ST8SIA4: variants seen among roughly 807,000 people sequenced by gnomAD.
The protein encoded by ST8SIA4 is ST8 alpha-N-acetyl-neuraminide alpha-2,8-sialyltransferase 4, also known as CMP-N-acetylneuraminate-poly-alpha-2,8-sialyltransferase.
A neutral mutation model predicts 33.9 loss-of-function variants in ST8SIA4; 15 were observed. The ratio of observed to expected loss-of-function variants is 0.44; its 90% CI spans 0.30 to 0.68. ST8SIA4 has a LOEUF of 0.68. Among genes scored for constraint, ST8SIA4 ranks in the 30% least tolerant of loss-of-function variants. The pLI is 0.10. For missense variants in ST8SIA4, 321 were observed against 428.0 expected, an observed-to-expected ratio of 0.75 and a Z score of 2.21; for synonymous variants, 171 against 151.2, an observed-to-expected ratio of 1.13 and a Z score of -0.96.
intron 4 of ST8SIA4, among the ~76,000 whole-genome samples, chr5:100,830,691 A>C (rs1347548514): frequency 6.6e-6 from 1 of 152,248 alleles, no homozygotes; most frequent in Admixed American, 6.5e-5. Flanking sequence ...ACCATCAAGA[A>C]TGGTATGGCA....
At chr5:100,864,021 G>C (rs1752006683) in intron 3 of ST8SIA4, among the ~76,000 whole-genome samples, 1 of 152,124 alleles carries the variant, frequency 6.6e-6, no homozygotes, top group Non-Finnish European at 1.5e-5. Context: ...TTTCTCCTTG[G>C]AGACTTGAAT....
At chr5:100,863,302 A>G (rs1011990903) in intron 3 of ST8SIA4, among the ~76,000 whole-genome samples, 1 of 152,214 alleles carries the variant, frequency 6.6e-6, no homozygotes, top group Admixed American at 6.5e-5. Flanking sequence ...TAGTAGATGC[A>G]CACACACTAA....
chr5:100,856,517 A>G, intron 3 of ST8SIA4, 121 bp from the exon 4 acceptor site: 2 of 906,802 alleles, frequency 2.2e-6, no homozygotes, highest in Middle Eastern at 3.3e-4. Context: ...AAGAAAACCA[A>G]AAGATCATCT....
At chr5:100,900,461 G>C (rs1016579034) in intron 1 of ST8SIA4, 6 of 456,144 alleles carry the variant, frequency 1.3e-5, no homozygotes, top group African/African-American at 1.2e-4. Context: ...TCCACCAGAA[G>C]CGCTGTTTGG....
rs1750711095 is a variant in ST8SIA4, at chr5:100,807,051, A to G, written c.*4796T>C. On this transcript the variant is annotated 3_prime_UTR_variant, in exon 5 of 5. Coordinates refer to ENST00000231461, the MANE Select transcript of ST8SIA4 (RefSeq NM_005668.6). ...ACATTGTTCATATTCCCATGTATAC[A>G]CTTAAAAATAAATGGTTTGCCTAAT... The G allele has an allele frequency of 6.6e-6, 1 of 152,096 alleles. No individual in the cohort carries two copies. Among genetic ancestry groups the G allele is most frequent in the Non-Finnish European group, 1.5e-5 (1 of 67,952 alleles). The allele number at this position is 152,096 out of a possible 1,614,324, so 9.4% of individuals were successfully genotyped here. A position where few individuals can be genotyped will look rare whatever the true frequency, so the allele number is the denominator to read the frequency against.
At chr5:100,828,017 T>C (rs1487572309) in intron 4 of ST8SIA4, among the ~76,000 whole-genome samples, 1 of 152,230 alleles carries the variant, frequency 6.6e-6, no homozygotes. Context: ...GCTATGCATA[T>C]ACAGAATGTA....
chr5:100,819,287 T>C lies in ST8SIA4; in HGVS notation c.798-7158A>G, dbSNP rs1335599959. Among the ~76,000 whole-genome samples the C allele has an allele frequency of 2.6e-5, 4 of 152,328 alleles. No individual in the cohort carries two copies. The East Asian group carries it at 7.7e-4, about 29-fold the overall frequency. Reference sequence around the variant, plus strand: ...GAGACAGTTCAATGATATATTAGCATTTGTCAATTTCTGTGGAAATTCTAA... The same window carrying C: ...GAGACAGTTCAATGATATATTAGCACTTGTCAATTTCTGTGGAAATTCTAA... On this transcript the variant is annotated intron_variant, in intron 4 of 4. Coordinates refer to ENST00000231461, the MANE Select transcript of ST8SIA4 (RefSeq NM_005668.6).
chr5:100,858,965 T>C (rs918981832), intron 3 of ST8SIA4, among the ~76,000 whole-genome samples: 1 of 152,090 alleles, frequency 6.6e-6, no homozygotes, highest in African/African-American at 2.4e-5. Context: ...GAAGAATATA[T>C]ATACATTTTC....
chr5:100,903,245 A>G lies in ST8SIA4; in HGVS notation c.-290T>C. 2.6e-6 allele frequency: 1 copy of G among 386,384 alleles called. No homozygotes were observed. Among genetic ancestry groups the G allele is most frequent in the Non-Finnish European group, 4.7e-6 (1 of 211,872 alleles). The allele number at this position is 386,384 out of a possible 1,614,324, so 23.9% of individuals were successfully genotyped here. A position where few individuals can be genotyped will look rare whatever the true frequency, so the allele number is the denominator to read the frequency against. ...TCAGATGAGACACCTTGTGCATTGG[A>G]GGTGGCGGCAGCTTCTGCAGCTGGG... On this transcript the variant is annotated 5_prime_UTR_variant, in exon 1 of 5. Coordinates refer to ENST00000231461, the MANE Select transcript of ST8SIA4 (RefSeq NM_005668.6).
chr5:100,834,346 C>T (rs1223127207), intron 4 of ST8SIA4, among the ~76,000 whole-genome samples: 1 of 151,998 alleles, frequency 6.6e-6, no homozygotes, highest in Non-Finnish European at 1.5e-5. Flanking sequence ...TATCTCATAA[C>T]TATTTAACTG....
intron 1 of ST8SIA4, chr5:100,900,289 C>T (rs985844175): frequency 1.8e-5 from 7 of 390,270 alleles, no homozygotes; most frequent in Non-Finnish European, 3.7e-5. Context: ...CAGTGCCCCC[C>T]AAAGGCCAGA....
chr5:100,813,126 C>T (rs1750847697), intron 4 of ST8SIA4, among the ~76,000 whole-genome samples: 1 of 152,006 alleles, frequency 6.6e-6, no homozygotes, highest in African/African-American at 2.4e-5. Flanking sequence ...ATTTAATAAG[C>T]TTGCTTTAGA....
At chr5:100,849,161 A>G (rs1416432312) in intron 4 of ST8SIA4, 3 of 985,028 alleles carry the variant, frequency 3.0e-6, no homozygotes, top group African/African-American at 3.5e-5. Context: ...AATTAAGGAC[A>G]AGAGTTTTTT....
intron 4 of ST8SIA4, among the ~76,000 whole-genome samples, chr5:100,838,191 T>C (rs1751402338): frequency 6.6e-6 from 1 of 151,990 alleles, no homozygotes; most frequent in Admixed American, 6.6e-5. Context: ...TGCCTCACCA[T>C]AATCATGAAG....
Position 100,811,900 on chromosome 5 carries a change from G to A in ST8SIA4, c.1027C>T (p.Leu343=). ...AGTTTTAGAGCTCCTCTATTATGTA[G>A]CACATTTAATGTTTTGAATTCTAAT... ...MPLEFKTLNV[L]HNRGALKLTT... is the part of the protein sequence containing the mutation. The change falls in exon 5 of 5, where the codon CTA becomes TTA. Residue 343 remains leucine, a synonymous_variant. Transcript: ENST00000231461. 6.2e-7 allele frequency: 1 copy of A among 1,614,040 alleles called. No individual in the cohort carries two copies. The highest frequency in any genetic ancestry group is 8.5e-7 in the Non-Finnish European group (1 of 1,179,974).
At chr5:100,875,009 GC>G (rs1752275509) in intron 3 of ST8SIA4, among the ~76,000 whole-genome samples, 1 of 152,036 alleles carries the variant, frequency 6.6e-6, no homozygotes, top group African/African-American at 2.4e-5. Context: ...ATGCTTACTA[GC>G]TTTTATTTAA....
chr5:100,854,014 T>TGTGTG (rs1554058847), intron 4 of ST8SIA4, among the ~76,000 whole-genome samples: 1 of 150,886 alleles, frequency 6.6e-6, no homozygotes, highest in African/African-American at 2.4e-5. Context: ...TGTGTGTATG[T>TGTGTG]TTAAGATGGA....
At chr5:100,863,243 AT>A (rs1397146341) in intron 3 of ST8SIA4, among the ~76,000 whole-genome samples, 1 of 152,204 alleles carries the variant, frequency 6.6e-6, no homozygotes, top group Non-Finnish European at 1.5e-5. Flanking sequence ...TAAAAGGTTG[AT>A]TCTGAGATTT....
At chr5:100,823,491 T>C (rs1751075972) in intron 4 of ST8SIA4, among the ~76,000 whole-genome samples, 1 of 152,226 alleles carries the variant, frequency 6.6e-6, no homozygotes, top group African/African-American at 2.4e-5. Flanking sequence ...GAACCCACTC[T>C]TGGGGTCTAG....
Sources: gnomAD v4.1 joint callset for allele counts (sites outside exome capture counted in the v4.1 genomes callset) on GRCh38, gnomAD v4.1.1 for gene constraint, MANE v1.5 for transcripts, NCBI Gene and HGNC (gene_info 2026-07-23, HGNC 2026-07-21) for gene names.